The following OSMR variants were observed in gnomAD, a reference collection of about 807,000 sequenced individuals.
OSMR encodes the protein oncostatin M receptor.
In OSMR, 81 loss-of-function variants were observed where a neutral mutation model predicts 99.9. That is an observed-to-expected ratio of 0.81 (90% confidence interval 0.68 to 0.97). The LOEUF (loss-of-function observed/expected upper bound fraction) is 0.97. Ranked by LOEUF, OSMR falls within the 50% of genes least tolerant of loss-of-function variation. The pLI, the probability that OSMR is intolerant of heterozygous loss-of-function variation, is 0.00. For synonymous variants in OSMR, 406 were observed against 410.4 expected, an observed-to-expected ratio of 0.99 and a Z score of 0.13; for missense variants, 1,099 against 1,153.4, an observed-to-expected ratio of 0.95 and a Z score of 0.68.
chr5:38,904,413 G>C lies in OSMR; in HGVS notation c.1195G>C (p.Glu399Gln). 3 of 1,614,174 alleles carry C rather than the reference G, an allele frequency of 1.9e-6. No homozygotes were observed. Among genetic ancestry groups the C allele is most frequent in the Non-Finnish European group, 2.5e-6 (3 of 1,180,032 alleles). The change falls in exon 9 of 18, where the codon GAG (glutamate) becomes CAG (glutamine). Residue 399 changes from glutamate to glutamine, a missense_variant. By Grantham distance (29) the Glu-to-Gln change is conservative. Transcript: ENST00000274276. ...YFLSELEPAT[E>Q]YMARVRCADA... ...CTTAAGTGAACTGGAACCTGCCACA[G>C]AGTACATGGCGCGAGTACGGTGTGC... is the stretch of plus-strand genomic sequence containing the variant.
At chr5:38,876,465 T>G in intron 3 of OSMR, 92 bp downstream of exon 3, 1 of 1,027,100 alleles carries the variant, frequency 9.7e-7, no homozygotes, top group South Asian at 1.4e-5. Flanking sequence ...ATTCTCGTTT[T>G]GGAAATATAT....
At chr5:38,942,398 T>C (rs774051140) in intron 1 of OSMR, 1 of 1,511,044 alleles carries the variant, frequency 6.6e-7, no homozygotes, top group East Asian at 2.3e-5. Flanking sequence ...AAATGGTGTA[T>C]CATCAATTAC....
intron 1 of OSMR, among the ~76,000 whole-genome samples, chr5:38,852,718 A>ATTTTTTTTCTTTTTT (rs1740494516): frequency 1.4e-5 from 1 of 70,660 alleles, no homozygotes; most frequent in Non-Finnish European, 2.6e-5. Context: ...TATTGTTTTC[A>ATTTTTTTTCTTTTTT]TTTTTTTTTT....
chr5:38,890,136 C>T (rs866354215), intron 7 of OSMR, among the ~76,000 whole-genome samples: 1 of 152,074 alleles, frequency 6.6e-6, no homozygotes. Flanking sequence ...CTATGTGATA[C>T]GTGTTCATTG....
rs1315794035 is a variant in OSMR at position 38,904,350 on chromosome 5, C to G, written c.1135-3C>G. 4 of 1,613,572 alleles carry G rather than the reference C, an allele frequency of 2.5e-6. No individual in the cohort carries two copies. The highest frequency in any genetic ancestry group is 3.4e-6 in the Non-Finnish European group (4 of 1,179,806). ...TCTTTTCTTCTCTTTTTTGATCAAGCAGTACAATGTTTCCATCAAGGTGAA... is the reference window on the plus strand; with the variant it reads ...TCTTTTCTTCTCTTTTTTGATCAAGGAGTACAATGTTTCCATCAAGGTGAA... On this transcript the variant is annotated splice_polypyrimidine_tract_variant and splice_region_variant and intron_variant, in intron 8 of 17. Coordinates refer to ENST00000274276, the MANE Select transcript of OSMR (RefSeq NM_003999.3).
chr5:38,854,372 A>T (rs754719863), intron 1 of OSMR, among the ~76,000 whole-genome samples: 15 of 152,224 alleles, frequency 9.9e-5, no homozygotes, highest in Non-Finnish European at 2.1e-4. Context: ...GGAAGGGCAG[A>T]CTGAAATCCA....
chr5:38,859,609 G>GA (rs1561335309), intron 1 of OSMR, among the ~76,000 whole-genome samples: 1 of 152,050 alleles, frequency 6.6e-6, no homozygotes, highest in South Asian at 2.1e-4. Context: ...ATGAATTTTA[G>GA]AATTGTTTTT....
chr5:38,869,646 T>C (rs894690833), intron 2 of OSMR, among the ~76,000 whole-genome samples: 1 of 152,210 alleles, frequency 6.6e-6, no homozygotes, highest in Non-Finnish European at 1.5e-5. Flanking sequence ...AAATGTTTTA[T>C]AAATAAATAA....
chr5:38,879,255 T>C (rs559296039), intron 3 of OSMR, among the ~76,000 whole-genome samples: 109 of 152,394 alleles, frequency 7.2e-4, no homozygotes, highest in African/African-American at 2.6e-3. Flanking sequence ...GAAAGCCCGC[T>C]GTGGTGCTGG....
chr5:38,932,068 A>G, intron 16 of OSMR, 104 bp downstream of exon 16: 5 of 929,440 alleles, frequency 5.4e-6, no homozygotes, highest in Non-Finnish European at 8.7e-6. Context: ...AACAACGTAT[A>G]AAAAAGGAAA....
chr5:38,897,077 T>C (rs1178008852), intron 7 of OSMR, among the ~76,000 whole-genome samples: 1 of 152,162 alleles, frequency 6.6e-6, no homozygotes, highest in Non-Finnish European at 1.5e-5. Context: ...GATTTTTGTA[T>C]CAATATTCAT....
At chr5:38,941,479 G>A (rs951884711) in intron 1 of OSMR, 4 of 231,416 alleles carry the variant, frequency 1.7e-5, no homozygotes, top group African/African-American at 6.6e-5. Flanking sequence ...TGTTTAAAGC[G>A]ATGAGATGGA....
chr5:38,921,525 T>C, intron 11 of OSMR, 90 bp from the exon 12 acceptor site: 1 of 1,593,622 alleles, frequency 6.3e-7, no homozygotes, highest in Non-Finnish European at 8.5e-7. Flanking sequence ...CTAGATACAG[T>C]GCATGTATGT....
At chr5:38,922,709 G>A (rs1746291453) in intron 12 of OSMR, among the ~76,000 whole-genome samples, 2 of 152,136 alleles carry the variant, frequency 1.3e-5, no homozygotes, top group Admixed American at 6.5e-5. Flanking sequence ...AGGGAATATC[G>A]TGGGGATGAA....
chr5:38,898,950 C>CTTTTTTTTTTTTTTTTTT lies in OSMR; in HGVS notation c.992-4925_992-4908dup, dbSNP rs58159819. Reference sequence around the variant, plus strand: ...TTTGTTGTTTCTATTTACATAATATCTTTTTTTTTTTTTTTTTTTTTTTTG... The same window carrying CTTTTTTTTTTTTTTTTTT: ...TTTGTTGTTTCTATTTACATAATATCTTTTTTTTTTTTTTTTTTTTTTTTTTTTTTTTTTTTTTTTTTG... On this transcript the variant is annotated intron_variant, in intron 7 of 17. Transcript: ENST00000274276. Among the ~76,000 whole-genome samples, 27 of 78,290 alleles carry CTTTTTTTTTTTTTTTTTT rather than the reference C, an allele frequency of 3.4e-4. 3 individuals are homozygous for CTTTTTTTTTTTTTTTTTT. The highest frequency in any genetic ancestry group is 1.6e-3 in the African/African-American group (26 of 15,982). The allele number at this position is 78,290 out of a possible 152,430, so 51.4% of individuals were successfully genotyped here. A position where few individuals can be genotyped will look rare whatever the true frequency, so the allele number is the denominator to read the frequency against.
intron 9 of OSMR, among the ~76,000 whole-genome samples, chr5:38,910,307 C>T (rs913006625): frequency 1.2e-4 from 19 of 152,242 alleles, no homozygotes; most frequent in African/African-American, 4.6e-4. Flanking sequence ...GACAGTATTA[C>T]ATGAATTATC....
chr5:38,862,466 G>T (rs1451166463), intron 1 of OSMR, among the ~76,000 whole-genome samples: 1 of 150,230 alleles, frequency 6.7e-6, no homozygotes, highest in African/African-American at 2.5e-5. Context: ...GGGCTGAGAC[G>T]CTCCTCACTT....
chr5:38,941,881 C>G (rs1424044908), intron 1 of OSMR: 2 of 233,706 alleles, frequency 8.6e-6, no homozygotes, highest in African/African-American at 4.4e-5. Flanking sequence ...CTGCTTTCCA[C>G]AAGTTAGTTA....
In OSMR at chr5:38,932,057, A is replaced by G; in HGVS notation, c.2294+93A>G. 3 of 955,866 alleles carry G rather than the reference A, an allele frequency of 3.1e-6. No homozygotes were observed. The South Asian group carries it at 4.0e-5, about 13-fold the overall frequency. 59.2% of individuals were successfully genotyped at this position (955,866 alleles called of 1,614,324 possible). A position where few individuals can be genotyped will look rare whatever the true frequency, so the allele number is the denominator to read the frequency against. ...GATAGAAATGACATTGAATAATATG[A>G]AACAACGTATAAAAAAGGAAAAGAA... On this transcript the variant is annotated intron_variant, in intron 16 of 17. Coordinates refer to ENST00000274276, the MANE Select transcript of OSMR (RefSeq NM_003999.3).
Sources: gnomAD v4.1 joint callset for allele counts (sites outside exome capture counted in the v4.1 genomes callset) on GRCh38, gnomAD v4.1.1 for gene constraint, MANE v1.5 for transcripts, NCBI Gene and HGNC (gene_info 2026-07-23, HGNC 2026-07-21) for gene names.